Variants in LNX1 observed in about 807,000 individuals in gnomAD.
LNX1 encodes the protein E3 ubiquitin-protein ligase LNX.
LNX1 carries 54 observed loss-of-function variants against 68.4 expected under a neutral mutation model. The observed-to-expected ratio is 0.79, with a 90% CI of 0.63 to 0.99. The LOEUF is 0.99. Ranked by LOEUF, LNX1 falls within the 50% of genes least tolerant of loss-of-function variation. LNX1 has a pLI of 0.00. For synonymous variants in LNX1, 336 were observed against 350.0 expected, an observed-to-expected ratio of 0.96 and a Z score of 0.45; for missense variants, 906 against 926.4, an observed-to-expected ratio of 0.98 and a Z score of 0.29.
chr4:53,513,234 G>T (rs1460943756), intron 2 of LNX1, among the ~76,000 whole-genome samples: 3 of 152,130 alleles, frequency 2.0e-5, no homozygotes, highest in Non-Finnish European at 4.4e-5. Flanking sequence ...TCTGGCAGAA[G>T]ACAGCTCATA....
chr4:53,548,353 T>C (rs1192403069), intron 2 of LNX1, among the ~76,000 whole-genome samples: 3 of 152,236 alleles, frequency 2.0e-5, no homozygotes, highest in Non-Finnish European at 2.9e-5. Context: ...GTATATTTTT[T>C]CTATTCTTTA....
intron 2 of LNX1, among the ~76,000 whole-genome samples, chr4:53,569,731 A>G (rs1577730867): frequency 6.7e-6 from 1 of 148,400 alleles, no homozygotes; most frequent in South Asian, 2.2e-4. Flanking sequence ...CAGGCAACCT[A>G]CAAAATGGGA....
chr4:53,559,812 T>TAAA lies in LNX1; in HGVS notation c.380+13808_380+13810dup, dbSNP rs35388102. Among the ~76,000 whole-genome samples the TAAA allele has an allele frequency of 5.1e-3, 685 of 133,074 alleles. 8 individuals are homozygous for TAAA. The highest frequency in any genetic ancestry group is 0.017 in the African/African-American group (621 of 36,436). 87.3% of individuals were successfully genotyped at this position (133,074 alleles called of 152,430 possible). A position where few individuals can be genotyped will look rare whatever the true frequency, so the allele number is the denominator to read the frequency against. On this transcript the variant is annotated intron_variant, in intron 2 of 10. Transcript: ENST00000263925. ...ACAGGTGCGTGCCGCCATGCCTGGC[T>TAAA]AAAAAAAAAAAAAAAAATTAAAATC...
intron 4 of LNX1, among the ~76,000 whole-genome samples, chr4:53,502,312 G>A (rs1331210695): frequency 2.9e-5 from 3 of 101,794 alleles, no homozygotes; most frequent in Non-Finnish European, 5.1e-5. Flanking sequence ...CTGAGATATT[G>A]TGGGTTTGGT....
intron 2 of LNX1, among the ~76,000 whole-genome samples, chr4:53,565,264 G>T (rs1460899984): frequency 1.3e-5 from 2 of 152,078 alleles, no homozygotes; most frequent in Non-Finnish European, 2.9e-5. Flanking sequence ...CAGCTTTGAA[G>T]AGAGCAGTGG....
At position 53,481,709 on chromosome 4, in the gene LNX1, A is replaced by G; in HGVS notation, c.1485+11T>C. ...CTTGCAGGAGCAGGCGACCTGCCCT[A>G]GAGGCCTCACCTTGGGAGTGTTGCT... On this transcript the variant is annotated intron_variant, in intron 7 of 10. Transcript: ENST00000263925. 1 of 1,612,522 alleles carries G rather than the reference A, an allele frequency of 6.2e-7. No individual in the cohort carries two copies. Among genetic ancestry groups the G allele is most frequent in the Non-Finnish European group, 8.5e-7 (1 of 1,179,088 alleles).
At chr4:53,645,114 C>G (rs548787486) in intron 1 of LNX1, among the ~76,000 whole-genome samples, 3 of 152,314 alleles carry the variant, frequency 2.0e-5, no homozygotes, top group African/African-American at 7.2e-5. Context: ...TTTGGCTTAA[C>G]TCTATTTTTG....
chr4:53,570,073 A>G (rs1159021599), intron 2 of LNX1, among the ~76,000 whole-genome samples: 5 of 151,622 alleles, frequency 3.3e-5, no homozygotes, highest in African/African-American at 1.2e-4. Context: ...GTGGGACTGT[A>G]AACTAGTTCA....
intron 2 of LNX1, among the ~76,000 whole-genome samples, chr4:53,520,330 G>A (rs958910995): frequency 6.6e-6 from 1 of 152,212 alleles, no homozygotes; most frequent in African/African-American, 2.4e-5. Flanking sequence ...GCTGCTCCCT[G>A]GAGTGACAAC....
At chr4:53,470,617 A>C (rs569701331) in intron 9 of LNX1, among the ~76,000 whole-genome samples, 14 of 152,346 alleles carry the variant, frequency 9.2e-5, no homozygotes, top group Middle Eastern at 3.4e-3. Flanking sequence ...AAATCTCCTT[A>C]AGCTGATAAG....
chr4:53,646,999 C>A (rs1163719710), intron 1 of LNX1, among the ~76,000 whole-genome samples: 1 of 152,232 alleles, frequency 6.6e-6, no homozygotes, highest in African/African-American at 2.4e-5. Flanking sequence ...CAGAGCTGGC[C>A]TCCTGGCCAG....
At chr4:53,623,928 G>C (rs1733977912) in intron 1 of LNX1, among the ~76,000 whole-genome samples, 1 of 152,182 alleles carries the variant, frequency 6.6e-6, no homozygotes, top group East Asian at 1.9e-4. Flanking sequence ...ACCTCTTTTA[G>C]CTTGAATACA....
In LNX1 at chr4:53,495,548, C is replaced by CTTTTTTTTTTTTTTTTTTTT. The variant is rs199684639; in HGVS notation, c.1350+474_1350+475insAAAAAAAAAAAAAAAAAAAA. Among the ~76,000 whole-genome samples, 26 of 119,412 alleles carry CTTTTTTTTTTTTTTTTTTTT rather than the reference C, an allele frequency of 2.2e-4. 1 individual carries two copies. The highest frequency in any genetic ancestry group is 6.8e-4 in the African/African-American group (21 of 30,872). The allele number at this position is 119,412 out of a possible 152,430, so 78.3% of individuals were successfully genotyped here. A position where few individuals can be genotyped will look rare whatever the true frequency, so the allele number is the denominator to read the frequency against. ...GATCCCTGGAGAATGCATGGCATAG[C>CTTTTTTTTTTTTTTTTTTTT]TTTTTTTTTTTTTAAGATGGGTCTT... On this transcript the variant is annotated intron_variant, in intron 6 of 10. Transcript: ENST00000263925.
intron 3 of LNX1, among the ~76,000 whole-genome samples, 158 bp downstream of exon 3, chr4:53,507,828 T>C (rs189171920): frequency 4.6e-5 from 7 of 152,342 alleles, no homozygotes; most frequent in Admixed American, 1.3e-4. Context: ...ACTTGCGGTT[T>C]CATTTCACTT....
At chr4:53,571,707 G>C (rs1731183899) in intron 2 of LNX1, among the ~76,000 whole-genome samples, 2 of 151,572 alleles carry the variant, frequency 1.3e-5, no homozygotes, top group Admixed American at 1.3e-4. Flanking sequence ...TTGTCACTTA[G>C]GCTGGAGTGC....
At chr4:53,535,942 A>C (rs1728342884) in intron 2 of LNX1, among the ~76,000 whole-genome samples, 1 of 152,072 alleles carries the variant, frequency 6.6e-6, no homozygotes, top group Non-Finnish European at 1.5e-5. Flanking sequence ...TCAAATACCA[A>C]AGGATTGGAC....
chr4:53,606,059 C>T (rs138502595), intron 2 of LNX1, among the ~76,000 whole-genome samples: 59 of 152,056 alleles, frequency 3.9e-4, no homozygotes, highest in Non-Finnish European at 5.1e-4. Flanking sequence ...AAGAGCAAAC[C>T]GACACACAGT....
At chr4:53,564,837 G>A (rs941490839) in intron 2 of LNX1, among the ~76,000 whole-genome samples, 7 of 152,350 alleles carry the variant, frequency 4.6e-5, no homozygotes, top group South Asian at 2.1e-4. Context: ...CTTGGGAAGC[G>A]CAAGGAGTCA....
chr4:53,574,003 G>C lies in LNX1; in HGVS notation c.-1C>G, dbSNP rs1230480455. 6.2e-7 allele frequency: 1 copy of C among 1,608,554 alleles called. No individual in the cohort carries two copies. The highest frequency in any genetic ancestry group is 1.3e-5 in the African/African-American group (1 of 75,004). On this transcript the variant is annotated 5_prime_UTR_variant, in exon 2 of 11. The change creates a new upstream start codon in the 5' untranslated region. Transcript: ENST00000263925. The stretch of plus-strand genomic sequence containing the variant: ...CGTTGGCAGACTCTGGCTGGTTCAT[G>C]ATGGATTGGAGAGCAGTATAACAGG...
Sources: allele counts gnomAD v4.1 joint callset (sites outside exome capture counted in the v4.1 genomes callset), GRCh38; gene constraint gnomAD v4.1.1; transcripts MANE v1.5; gene names NCBI Gene and HGNC (gene_info 2026-07-23, HGNC 2026-07-21).